OCIAD1: variants seen among roughly 807,000 people sequenced by gnomAD.
OCIAD1 encodes the protein OCIA domain-containing protein 1.
In OCIAD1, 29 loss-of-function variants were observed where a neutral mutation model predicts 38.9. The observed-to-expected ratio is 0.74, with a 90% CI of 0.55 to 1.02. The LOEUF (loss-of-function observed/expected upper bound fraction) is 1.02. OCIAD1 is among the 50% of genes least tolerant of loss of function. OCIAD1 has a pLI of 0.00. For synonymous variants in OCIAD1, 110 were observed against 92.0 expected (o/e 1.20, Z -1.12); for missense variants, 288 against 289.6 (o/e 0.99, Z 0.04).
chr4:48,830,446 A>G (rs1777383282), upstream of OCIAD1: 1 of 152,230 alleles, frequency 6.6e-6, no homozygotes, highest in Admixed American at 6.5e-5. Context: ...ATGTATGAAA[A>G]TGAGTAAAAT....
intron 1 of OCIAD1, among the ~76,000 whole-genome samples, chr4:48,832,276 G>A (rs1560415778): frequency 1.3e-5 from 2 of 152,050 alleles, no homozygotes; most frequent in Non-Finnish European, 2.9e-5. Flanking sequence ...TTCGAGAAAC[G>A]ACCAAAACAT....
chr4:48,828,452 T>G (rs1290907536), upstream of OCIAD1, among the ~76,000 whole-genome samples: 1 of 152,112 alleles, frequency 6.6e-6, no homozygotes, highest in Non-Finnish European at 1.5e-5. Context: ...CCCACTCAGG[T>G]CCCCTTCCAC....
In OCIAD1 at chr4:48,861,172, T is replaced by C. The variant is rs79407743; in HGVS notation, c.*410T>C. 3,499 of 160,908 alleles carry C rather than the reference T, an allele frequency of 0.022. 45 individuals carry two copies. The highest frequency in any genetic ancestry group is 0.033 in the Middle Eastern group (11 of 336). The allele number at this position is 160,908 out of a possible 1,614,324, so 10.0% of individuals were successfully genotyped here. Reference sequence around the variant, plus strand: ...TGTGAAGCTTTGCATCAAGAAATTATTAAAAAGCTTTTTTTCTCCAGTATT... The same window carrying C: ...TGTGAAGCTTTGCATCAAGAAATTACTAAAAAGCTTTTTTTCTCCAGTATT... On this transcript the variant is annotated 3_prime_UTR_variant, in exon 9 of 9. Coordinates refer to ENST00000264312, the MANE Select transcript of OCIAD1 (RefSeq NM_017830.4).
In OCIAD1 at chr4:48,849,953, G is replaced by A; in HGVS notation, c.248G>A (p.Cys83Tyr). The A allele has an allele frequency of 3.7e-6, 6 of 1,603,976 alleles. No homozygotes were observed. Among genetic ancestry groups the A allele is most frequent in the Non-Finnish European group, 5.1e-6 (6 of 1,177,180 alleles). Residue 83 changes from cysteine to tyrosine, a missense_variant, in exon 6 of 9, where the codon TGT becomes TAT. Coordinates refer to ENST00000264312, the MANE Select transcript of OCIAD1 (RefSeq NM_017830.4). ...YGSIPKLILACIMGYFAGKLS... is the reference protein window; with the variant it reads ...YGSIPKLILAYIMGYFAGKLS... ...GTTTGATTTTACAAATAAGTTGCTT[G>A]TATCATGGGATACTTTGCTGGAAAA...
intron 3 of OCIAD1, among the ~76,000 whole-genome samples, chr4:48,834,605 A>G (rs1194472776): frequency 2.0e-5 from 3 of 152,150 alleles, no homozygotes; most frequent in East Asian, 3.8e-4. Flanking sequence ...CCTTGTCTCT[A>G]CCAAAAATGA....
At chr4:48,818,325 G>T (rs956634877) in intron 1 of OCIAD1, among the ~76,000 whole-genome samples, 1 of 152,214 alleles carries the variant, frequency 6.6e-6, no homozygotes, top group African/African-American at 2.4e-5. Flanking sequence ...ACCTGCAGAA[G>T]AGGGTCTTGA....
At chr4:48,809,260 G>C (rs905313252) in intron 1 of OCIAD1, among the ~76,000 whole-genome samples, 1 of 152,168 alleles carries the variant, frequency 6.6e-6, no homozygotes, top group African/African-American at 2.4e-5. Context: ...GGTGGCTCAC[G>C]CCTGTAATCC....
At chr4:48,809,624 A>G (rs1200983524) in intron 1 of OCIAD1, among the ~76,000 whole-genome samples, 1 of 152,148 alleles carries the variant, frequency 6.6e-6, no homozygotes, top group Non-Finnish European at 1.5e-5. Flanking sequence ...TGTCTACCTT[A>G]TCAGCTCTTA....
At chr4:48,815,440 C>T (rs1777134920) in intron 1 of OCIAD1, among the ~76,000 whole-genome samples, 1 of 152,170 alleles carries the variant, frequency 6.6e-6, no homozygotes, top group African/African-American at 2.4e-5. Context: ...TGTCTTGAAA[C>T]TTCATTTGCA....
At chr4:48,834,129 T>A (rs1777770442) in intron 3 of OCIAD1, among the ~76,000 whole-genome samples, 1 of 152,164 alleles carries the variant, frequency 6.6e-6, no homozygotes, top group Non-Finnish European at 1.5e-5. Flanking sequence ...ACTTGGAAAC[T>A]GTAGTCCTTT....
intron 8 of OCIAD1, among the ~76,000 whole-genome samples, chr4:48,858,816 A>G (rs1004915405): frequency 1.7e-4 from 26 of 152,318 alleles, no homozygotes; most frequent in African/African-American, 5.8e-4. Flanking sequence ...TTTCTTAAAG[A>G]TGAATTTTTA....
chr4:48,840,923 AG>A (rs1338762922), intron 3 of OCIAD1, among the ~76,000 whole-genome samples: 1 of 152,050 alleles, frequency 6.6e-6, no homozygotes, highest in East Asian at 1.9e-4. Flanking sequence ...AGGCTGAAGC[AG>A]GAGGATCATC....
intron 1 of OCIAD1, among the ~76,000 whole-genome samples, chr4:48,807,537 C>T (rs188886841): frequency 2.6e-4 from 40 of 152,246 alleles, no homozygotes; most frequent in African/African-American, 9.4e-4. Context: ...TAGAACAGTA[C>T]CTGACTCATA....
chr4:48,829,450 A>G (rs957456250), upstream of OCIAD1, among the ~76,000 whole-genome samples: 7 of 152,210 alleles, frequency 4.6e-5, no homozygotes, highest in African/African-American at 1.7e-4. Flanking sequence ...TGTGCCAATC[A>G]CTGATGCTAG....
At chr4:48,852,920 C>T (rs760458649) in intron 7 of OCIAD1, among the ~76,000 whole-genome samples, 6 of 121,790 alleles carry the variant, frequency 4.9e-5, no homozygotes, top group African/African-American at 1.3e-4. Flanking sequence ...CTTGCTCTGT[C>T]GCCCAGTCTG....
At chr4:48,852,333 C>G (rs1383724851) in intron 7 of OCIAD1, 1 of 168,862 alleles carries the variant, frequency 5.9e-6, no homozygotes, top group Non-Finnish European at 1.3e-5. Context: ...TAAATCGTGT[C>G]TCAGGAAGTA....
intron 5 of OCIAD1, among the ~76,000 whole-genome samples, chr4:48,849,617 T>G (rs1216859616): frequency 6.6e-6 from 1 of 152,172 alleles, no homozygotes; most frequent in Non-Finnish European, 1.5e-5. Context: ...TTTTGATGCT[T>G]TTATTCCTTA....
intron 3 of OCIAD1, among the ~76,000 whole-genome samples, chr4:48,835,955 C>T (rs570638890): frequency 3.3e-5 from 5 of 152,274 alleles, no homozygotes; most frequent in Admixed American, 1.3e-4. Flanking sequence ...TCTGCTGGAG[C>T]GGTGAGCCTG....
Position 48,844,869 on chromosome 4 carries a change from GACTATGTAAAC to G in OCIAD1, c.193+2191_193+2201del, listed in dbSNP as rs1778844755. Among the ~76,000 whole-genome samples the G allele has an allele frequency of 2.6e-5, 4 of 152,080 alleles. No individual in the cohort carries two copies. In the South Asian group the frequency reaches 8.3e-4, roughly 32 times the overall value. On this transcript the variant is annotated intron_variant, in intron 4 of 8. Transcript: ENST00000264312. ...TCTCTAGATTACTTATAATACCTAA[GACTATGTAAAC>G]ACTATGTAAATAGTTGTTATACTGT...
Sources: allele counts gnomAD v4.1 joint callset (sites outside exome capture counted in the v4.1 genomes callset), GRCh38; gene constraint gnomAD v4.1.1; transcripts MANE v1.5; gene names NCBI Gene and HGNC (gene_info 2026-07-23, HGNC 2026-07-21).